The following RARB variants were observed in gnomAD, a reference collection of about 807,000 sequenced individuals.
RARB encodes the protein HBV-activated protein.
In RARB, 17 loss-of-function variants were observed where a neutral mutation model predicts 51.9. The observed-to-expected ratio is 0.33, with a 90% CI of 0.22 to 0.49. The LOEUF (loss-of-function observed/expected upper bound fraction) is 0.49. Ranked by LOEUF, RARB falls within the 20% of genes least tolerant of loss-of-function variation. The pLI is 0.99. For missense variants in RARB, 369 were observed against 550.8 expected (o/e 0.67, Z 3.30); for synonymous variants, 215 against 195.4 (o/e 1.10, Z -0.84).
intron 1 of RARB, among the ~76,000 whole-genome samples, chr3:25,442,175 G>A (rs1203117728): frequency 6.7e-6 from 1 of 149,820 alleles, no homozygotes; most frequent in African/African-American, 2.5e-5. Flanking sequence ...TCACTCTGTT[G>A]CCTAGGCTGG....
intron 5 of RARB, among the ~76,000 whole-genome samples, chr3:25,329,315 T>G (rs1040665292): frequency 6.6e-6 from 1 of 152,106 alleles, no homozygotes; most frequent in African/African-American, 2.4e-5. Context: ...GGTGCCCCTC[T>G]GAGACGAAGC....
chr3:25,198,586 T>C (rs1398202753), intron 5 of RARB, among the ~76,000 whole-genome samples: 2 of 152,170 alleles, frequency 1.3e-5, no homozygotes, highest in South Asian at 2.1e-4. Flanking sequence ...ATAGTATTCC[T>C]ATAAATAGGA....
chr3:25,034,984 A>C (rs747450084), intron 2 of RARB, among the ~76,000 whole-genome samples: 2 of 152,210 alleles, frequency 1.3e-5, no homozygotes, highest in African/African-American at 2.4e-5. Flanking sequence ...CGAAGGCTGC[A>C]CATGCCTTGC....
intron 2 of RARB, among the ~76,000 whole-genome samples, chr3:25,010,764 AC>A (rs1401726505): frequency 2.0e-5 from 3 of 151,994 alleles, no homozygotes; most frequent in African/African-American, 7.3e-5. Context: ...CTCCTATGAC[AC>A]CCTTCATGAA....
intron 3 of RARB, among the ~76,000 whole-genome samples, chr3:25,562,154 G>T (rs1005443924): frequency 6.6e-6 from 1 of 152,114 alleles, no homozygotes. Context: ...GGCAGCTTGG[G>T]CTTCAGCAGA....
intron 4 of RARB, among the ~76,000 whole-genome samples, chr3:25,146,078 A>G (rs1700184155): frequency 6.6e-6 from 1 of 152,092 alleles, no homozygotes; most frequent in Non-Finnish European, 1.5e-5. Flanking sequence ...GGCAGCCTGC[A>G]TGCAAATCCT....
intron 2 of RARB, among the ~76,000 whole-genome samples, chr3:24,890,753 G>C (rs538581138): frequency 3.2e-4 from 49 of 152,242 alleles, no homozygotes; most frequent in African/African-American, 1.0e-3. Context: ...AGAGGTCTCT[G>C]TTCTGTTCTT....
chr3:24,903,267 A>T (rs905138486), intron 2 of RARB, among the ~76,000 whole-genome samples: 1 of 152,082 alleles, frequency 6.6e-6, no homozygotes, highest in Non-Finnish European at 1.5e-5. Flanking sequence ...AGGAAATAAT[A>T]ATCATAAAAA....
At chr3:25,295,408 G>A (rs893348117) in intron 5 of RARB, among the ~76,000 whole-genome samples, 1 of 152,162 alleles carries the variant, frequency 6.6e-6, no homozygotes, top group African/African-American at 2.4e-5. Flanking sequence ...CATCTATGAA[G>A]AACAGAACTT....
At chr3:25,023,173 G>A (rs1697673817) in intron 2 of RARB, among the ~76,000 whole-genome samples, 1 of 152,058 alleles carries the variant, frequency 6.6e-6, no homozygotes, top group Non-Finnish European at 1.5e-5. Context: ...TCCATAGTAG[G>A]CCTAATTTAA....
chr3:25,187,086 A>G (rs761064615), intron 5 of RARB, among the ~76,000 whole-genome samples: 10 of 152,020 alleles, frequency 6.6e-5, no homozygotes, highest in Non-Finnish European at 1.2e-4. Context: ...TTCTTCAGAG[A>G]TAGGGATGTG....
At position 25,288,756 on chromosome 3, in the gene RARB, T is replaced by G. The variant is rs143336966; in HGVS notation, c.178+114181T>G. 2.2e-3 allele frequency among the ~76,000 whole-genome samples: 297 copies of G among 136,854 alleles called. 1 individual carries two copies. Among genetic ancestry groups the G allele is most frequent in the African/African-American group, 8.3e-3 (279 of 33,794 alleles). 89.8% of individuals were successfully genotyped at this position (136,854 alleles called of 152,430 possible). A position where few individuals can be genotyped will look rare whatever the true frequency, so the allele number is the denominator to read the frequency against. On this transcript the variant is annotated intron_variant, in intron 5 of 11. Coordinates refer to the RARB transcript ENST00000383772. ...TAAGAGAAATTATCTTTTGGAACTT[T>G]CCTCTTCTGTTCTTTTTTTTTCTTC... is the stretch of plus-strand genomic sequence containing the variant.
chr3:25,494,255 A>ACGCGCGCGCACT (rs1559433100), intron 2 of RARB, among the ~76,000 whole-genome samples: 72 of 149,560 alleles, frequency 4.8e-4, no homozygotes, highest in Non-Finnish European at 8.0e-4. Context: ...TATCTTACGC[A>ACGCGCGCGCACT]CACACACACA....
At chr3:25,108,289 A>G (rs1699543211) in intron 3 of RARB, among the ~76,000 whole-genome samples, 1 of 152,224 alleles carries the variant, frequency 6.6e-6, no homozygotes, top group Admixed American at 6.5e-5. Context: ...GGACTACTGT[A>G]TACTCAAATA....
At chr3:25,009,812 G>T (rs1036466049) in intron 2 of RARB, among the ~76,000 whole-genome samples, 2 of 152,064 alleles carry the variant, frequency 1.3e-5, no homozygotes, top group Non-Finnish European at 2.9e-5. Flanking sequence ...TCTGGAAAAG[G>T]TCAGAGTGGA....
chr3:25,101,970 A>G (rs1337376661), intron 3 of RARB, among the ~76,000 whole-genome samples: 1 of 152,182 alleles, frequency 6.6e-6, no homozygotes, highest in Non-Finnish European at 1.5e-5. Context: ...GAGGACATGA[A>G]GTTTGAGAAT....
chr3:24,955,223 C>T (rs1024129471), intron 2 of RARB, among the ~76,000 whole-genome samples: 2 of 152,320 alleles, frequency 1.3e-5, no homozygotes, highest in East Asian at 1.9e-4. Flanking sequence ...GCCCAGCTGT[C>T]TCTAGCCAGG....
At chr3:25,462,555 G>A (rs2125557134) in intron 2 of RARB, 1 of 152,340 alleles carries the variant, frequency 6.6e-6, no homozygotes, top group East Asian at 1.9e-4. Context: ...AGCAGAGTTA[G>A]CACTTAACTG....
At chr3:25,189,527 A>G (rs1701049136) in intron 5 of RARB, among the ~76,000 whole-genome samples, 5 of 152,114 alleles carry the variant, frequency 3.3e-5, no homozygotes, top group Admixed American at 2.6e-4. Flanking sequence ...ATCAGCTCCA[A>G]CAGACAACAG....
Sources: gnomAD v4.1 joint callset for allele counts (sites outside exome capture counted in the v4.1 genomes callset) on GRCh38, gnomAD v4.1.1 for gene constraint, MANE v1.5 for transcripts, NCBI Gene and HGNC (gene_info 2026-07-23, HGNC 2026-07-21) for gene names.